Variants in SYNPR observed in about 807,000 individuals in gnomAD.
SYNPR encodes synaptoporin.
In SYNPR, 23 loss-of-function variants were observed where a neutral mutation model predicts 32.9. The observed-to-expected ratio is 0.70, with a 90% CI of 0.50 to 0.99. The LOEUF (loss-of-function observed/expected upper bound fraction) is 0.99, where lower values mean the gene tolerates loss of function less well. Ranked by LOEUF, SYNPR falls within the 50% of genes least tolerant of loss-of-function variation. The pLI is 0.00. For missense variants in SYNPR, 318 were observed against 349.3 expected, an observed-to-expected ratio of 0.91 and a Z score of 0.71; for synonymous variants, 146 against 135.9, an observed-to-expected ratio of 1.07 and a Z score of -0.52.
intron 4 of SYNPR, among the ~76,000 whole-genome samples, chr3:63,564,140 A>T (rs1174398105): frequency 1.3e-5 from 2 of 151,524 alleles, no homozygotes; most frequent in East Asian, 3.9e-4. Context: ...TCATAGACAC[A>T]CCTATCAGAA....
At chr3:63,209,521 A>C in the SYNPR span, among the ~76,000 whole-genome samples, 1 of 152,138 alleles carries the variant, frequency 6.6e-6, no homozygotes, top group African/African-American at 2.4e-5. Flanking sequence ...CAGCCTTCAA[A>C]AACCTATAGG....
At chr3:63,452,920 C>T (rs1700405793) in intron 2 of SYNPR, among the ~76,000 whole-genome samples, 1 of 152,082 alleles carries the variant, frequency 6.6e-6, no homozygotes, top group African/African-American at 2.4e-5. Flanking sequence ...AATAATCGTT[C>T]TTGAAATAAA....
At chr3:63,284,155 T>G (rs1384663055) in intron 2 of SYNPR, among the ~76,000 whole-genome samples, 1 of 152,182 alleles carries the variant, frequency 6.6e-6, no homozygotes, top group Non-Finnish European at 1.5e-5. Flanking sequence ...CAGTTGACCT[T>G]TGGTCTCTTT....
chr3:63,556,577 G>A lies in SYNPR; in HGVS notation c.244G>A (p.Glu82Lys), dbSNP rs569528761. ...HQVTFEVPTC[E>K]GKERQKLALI... ...GGTGACGTTTGAGGTGCCCACCTGCGAGGGAAAGGAACGGCAGAAGCTGGC... is the reference window on the plus strand; with the variant it reads ...GGTGACGTTTGAGGTGCCCACCTGCAAGGGAAAGGAACGGCAGAAGCTGGC... Residue 82 changes from glutamate to lysine, a missense_variant, in exon 4 of 6, where the codon GAG becomes AAG. Physicochemically the swap from Glu to Lys is moderately conservative, Grantham distance 56. Coordinates refer to ENST00000478300, the MANE Select transcript of SYNPR (RefSeq NM_001130003.2). 14 of 1,613,494 alleles carry A rather than the reference G, an allele frequency of 8.7e-6. 1 individual carries two copies. The highest frequency in any genetic ancestry group is 3.3e-4 in the Middle Eastern group (2 of 6,046).
intron 4 of SYNPR, among the ~76,000 whole-genome samples, chr3:63,567,799 G>A (rs973277502): frequency 7.2e-5 from 11 of 152,358 alleles, no homozygotes; most frequent in African/African-American, 2.4e-4. Flanking sequence ...AAACACTTGA[G>A]TGATTGGCCA....
At chr3:63,557,231 T>G (rs775362681) in intron 4 of SYNPR, among the ~76,000 whole-genome samples, 2 of 152,158 alleles carry the variant, frequency 1.3e-5, no homozygotes, top group Non-Finnish European at 2.9e-5. Context: ...GCCCAGCATT[T>G]CTAAACATAA....
chr3:63,312,054 C>T (rs2086971947), intron 2 of SYNPR, among the ~76,000 whole-genome samples: 2 of 151,834 alleles, frequency 1.3e-5, no homozygotes, highest in South Asian at 4.2e-4. Flanking sequence ...ATCTAAATTC[C>T]CCTCCATTAG....
At chr3:63,493,961 C>T (rs11917132) in intron 3 of SYNPR, among the ~76,000 whole-genome samples, 5 of 151,878 alleles carry the variant, frequency 3.3e-5, no homozygotes, top group African/African-American at 1.2e-4. Context: ...AACTGCTGAC[C>T]TAAAAAGAAT....
At chr3:63,317,486 T>C (rs897751494) in intron 2 of SYNPR, among the ~76,000 whole-genome samples, 1 of 152,050 alleles carries the variant, frequency 6.6e-6, no homozygotes, top group Non-Finnish European at 1.5e-5. Context: ...CATTATATAA[T>C]GTCCCTTTGT....
intron 1 of SYNPR, among the ~76,000 whole-genome samples, chr3:63,231,963 CCTTA>C (rs1176357216): frequency 1.3e-5 from 2 of 151,992 alleles, no homozygotes; most frequent in Non-Finnish European, 2.9e-5. Context: ...TTTGTTTTGT[CCTTA>C]CTTGAGAAGC....
At chr3:63,504,875 G>A (rs1701556510) in intron 3 of SYNPR, among the ~76,000 whole-genome samples, 1 of 152,062 alleles carries the variant, frequency 6.6e-6, no homozygotes, top group Admixed American at 6.6e-5. Context: ...CCACGGTAGG[G>A]TCCTGTGTGA....
the SYNPR span, among the ~76,000 whole-genome samples, chr3:63,211,795 G>C: frequency 7.1e-6 from 1 of 140,486 alleles, no homozygotes; most frequent in Admixed American, 7.3e-5. Flanking sequence ...TGCCATGCTG[G>C]TGCGCTGCAC....
chr3:63,557,086 T>C (rs1374422711), intron 4 of SYNPR, among the ~76,000 whole-genome samples: 3 of 152,220 alleles, frequency 2.0e-5, no homozygotes, highest in Non-Finnish European at 1.5e-5. Flanking sequence ...AATAATTGTT[T>C]AGTTTGAAAA....
intron 2 of SYNPR, among the ~76,000 whole-genome samples, chr3:63,370,642 T>G (rs1008376036): frequency 1.3e-5 from 2 of 152,188 alleles, no homozygotes; most frequent in Non-Finnish European, 2.9e-5. Context: ...AAATTTTTAG[T>G]CTGGGGGCAT....
chr3:63,550,335 G>A (rs577195780), intron 3 of SYNPR, among the ~76,000 whole-genome samples: 7 of 151,230 alleles, frequency 4.6e-5, no homozygotes, highest in African/African-American at 9.7e-5. Context: ...TTACATATAC[G>A]TGTGTGTATA....
chr3:63,442,938 T>C (rs1344700031), intron 2 of SYNPR: 4 of 666,492 alleles, frequency 6.0e-6, no homozygotes, highest in East Asian at 1.3e-4. Context: ...CCACCATTTT[T>C]CCCCATACCC....
chr3:63,511,150 TACTGGGAA>T (rs1406101888), intron 3 of SYNPR, among the ~76,000 whole-genome samples: 1 of 59,260 alleles, frequency 1.7e-5, no homozygotes, highest in Non-Finnish European at 4.4e-5. Context: ...GGACCCTGAG[TACTGGGAA>T]TCATGGGCCT....
chr3:63,315,957 G>A (rs2087039268), intron 2 of SYNPR, among the ~76,000 whole-genome samples: 1 of 151,974 alleles, frequency 6.6e-6, no homozygotes, highest in Admixed American at 6.6e-5. Flanking sequence ...AAGTGATGCT[G>A]GATTTTGTTG....
chr3:63,482,128 T>C (rs1479011879), intron 3 of SYNPR, among the ~76,000 whole-genome samples: 1 of 152,000 alleles, frequency 6.6e-6, no homozygotes, highest in African/African-American at 2.4e-5. Flanking sequence ...CAGGGTAATA[T>C]CTAATTTCAT....
Sources: allele counts gnomAD v4.1 joint callset (sites outside exome capture counted in the v4.1 genomes callset), GRCh38; gene constraint gnomAD v4.1.1; transcripts MANE v1.5; gene names NCBI Gene and HGNC (gene_info 2026-07-23, HGNC 2026-07-21).